The following ANKLE2 variants were observed in gnomAD, a reference collection of about 807,000 sequenced individuals.
The protein encoded by ANKLE2 is ankyrin repeat and LEM domain-containing protein 2.
ANKLE2 carries 55 observed loss-of-function variants against 84.2 expected under a neutral mutation model. The ratio of observed to expected loss-of-function variants is 0.65; its 90% CI spans 0.53 to 0.82. The LOEUF (loss-of-function observed/expected upper bound fraction) is 0.82. Ranked by LOEUF, ANKLE2 falls within the 40% of genes least tolerant of loss-of-function variation. The probability of loss-of-function intolerance (pLI) is 0.00; values close to 1 mark genes in which losing one functional copy is unlikely to be tolerated. For synonymous variants in ANKLE2, 551 were observed against 486.1 expected (o/e 1.13, Z -1.76); for missense variants, 1,238 against 1,201.9 (o/e 1.03, Z -0.44).
At chr12:132,761,443 C>G in intron 1 of ANKLE2, 175 bp downstream of exon 1, 4 of 513,178 alleles carry the variant, frequency 7.8e-6, no homozygotes, top group Non-Finnish European at 1.2e-5. Flanking sequence ...GCCAAGTCCC[C>G]GCAACTGCCC....
chr12:132,753,886 G>A (rs2044416425), intron 2 of ANKLE2, among the ~76,000 whole-genome samples: 1 of 152,190 alleles, frequency 6.6e-6, no homozygotes, highest in African/African-American at 2.4e-5. Context: ...AGCTGTGACT[G>A]CACCACTGCA....
chr12:132,759,697 G>A (rs534378025), intron 1 of ANKLE2: 4 of 131,192 alleles, frequency 3.0e-5, no homozygotes, highest in African/African-American at 9.2e-5. Context: ...CCTGGATGAT[G>A]CCGCTGGTGA....
rs554855993 is a variant in ANKLE2, at chr12:132,748,447, G to C, written c.848-116C>G. 7.6e-6 allele frequency: 9 copies of C among 1,182,304 alleles called. No individual in the cohort carries two copies. In the South Asian group the frequency reaches 1.3e-4, roughly 17 times the overall value. The allele number at this position is 1,182,304 out of a possible 1,614,324, so 73.2% of individuals were successfully genotyped here. On this transcript the variant is annotated intron_variant, in intron 3 of 12. Transcript: ENST00000357997. ...CCACAGAGGCTTCTGGGCCAACTGG[G>C]AGGCACAGGTGAGAAAAGACGAGAA...
chr12:132,728,160 C>G lies in ANKLE2; in HGVS notation c.2487G>C (p.Glu829Asp), dbSNP rs777772436. The change falls in exon 12 of 13, where the codon GAG becomes GAC. Residue 829 changes from glutamate to aspartate, a missense_variant. Physicochemically the swap from Glu to Asp is conservative, Grantham distance 45. Around this residue, in one of 3 missense-constraint regions of ANKLE2, gnomAD observed 802 missense variants for 774.5 expected, o/e 1.04. Coordinates refer to ENST00000357997, the MANE Select transcript of ANKLE2 (RefSeq NM_015114.3). ...EPARRLFLFG[E>D]EPSKLDQDVL... ...CATCCTGATCGAGTTTTGATGGCTC[C>G]TCTCTAGAAAGCACAATAAAAGAAG... 1.2e-6 allele frequency: 2 copies of G among 1,612,090 alleles called. No homozygotes were observed. The highest frequency in any genetic ancestry group is 1.7e-6 in the Non-Finnish European group (2 of 1,179,760).
At chr12:132,747,801 A>G (rs749572937) in intron 5 of ANKLE2, 31 bp downstream of exon 5, 3 of 1,401,374 alleles carry the variant, frequency 2.1e-6, no homozygotes, top group Non-Finnish European at 2.9e-6. Flanking sequence ...CAATTAAATA[A>G]AGAAAGCGTG....
rs770362496 is a variant in ANKLE2 at position 132,748,164 on chromosome 12, A to G, written c.1015T>C (p.Ser339Pro). The change falls in exon 4 of 13, where the codon TCA (serine) becomes CCA (proline). Residue 339 changes from serine to proline, a missense_variant. Coordinates refer to ENST00000357997, the MANE Select transcript of ANKLE2 (RefSeq NM_015114.3). ...TGCACGATAGTGGGGTTGTCTCCTG[A>G]GCCTATCAGATACCGGGGGTTGCTC... ...IWSNPRYLIGSGDNPTIVQEG... is the reference protein window; with the variant it reads ...IWSNPRYLIGPGDNPTIVQEG... 4 of 1,613,674 alleles carry G rather than the reference A, an allele frequency of 2.5e-6. No individual in the cohort carries two copies. The South Asian group carries it at 4.4e-5, about 18-fold the overall frequency.
chr12:132,744,459 C>T (rs1479412063), intron 5 of ANKLE2, among the ~76,000 whole-genome samples: 1 of 152,134 alleles, frequency 6.6e-6, no homozygotes, highest in Non-Finnish European at 1.5e-5. Flanking sequence ...CTGCGGCCTG[C>T]ACTGACACCC....
At chr12:132,752,402 T>C (rs1486930175) in intron 2 of ANKLE2, among the ~76,000 whole-genome samples, 1 of 152,058 alleles carries the variant, frequency 6.6e-6, no homozygotes, top group African/African-American at 2.4e-5. Context: ...CATTTCCCAG[T>C]GTTACTTTCT....
chr12:132,755,389 C>G (rs1268838462), intron 1 of ANKLE2: 1 of 322,272 alleles, frequency 3.1e-6, no homozygotes, highest in African/African-American at 2.2e-5. Context: ...ACTGAAAATA[C>G]AAAAAATTAG....
Position 132,740,344 on chromosome 12 carries a change from C to T in ANKLE2, c.1420+1075G>A, listed in dbSNP as rs570766134. 1.6e-3 allele frequency among the ~76,000 whole-genome samples: 241 copies of T among 152,230 alleles called. 1 individual carries two copies. Among genetic ancestry groups the T allele is most frequent in the African/African-American group, 5.7e-3 (235 of 41,542 alleles). ...CAGAGGCTCTTCACACCTTAGATCA[C>T]GCTTGGTAAACTTCTATAAAATGTC... On this transcript the variant is annotated intron_variant, in intron 7 of 12. Transcript: ENST00000357997.
At chr12:132,759,229 C>G (rs1038104128) in intron 1 of ANKLE2, 2 of 146,208 alleles carry the variant, frequency 1.4e-5, no homozygotes, top group Non-Finnish European at 3.0e-5. Context: ...CCGGGGCACC[C>G]ACGTGGCAGA....
intron 3 of ANKLE2, among the ~76,000 whole-genome samples, chr12:132,748,682 G>C (rs1012599612): frequency 1.3e-5 from 2 of 152,180 alleles, no homozygotes; most frequent in African/African-American, 4.8e-5. Flanking sequence ...CTCTGTGAAT[G>C]AGGCCAAGTT....
Position 132,726,921 on chromosome 12 carries a change from T to TGCCTGCCTGCAACTGCCTCAGCGCC in ANKLE2, c.*296_*320dup. 2.9e-6 allele frequency: 1 copy of TGCCTGCCTGCAACTGCCTCAGCGCC among 345,576 alleles called. No homozygotes were observed. The highest frequency in any genetic ancestry group is 5.3e-6 in the Non-Finnish European group (1 of 188,350). The allele number at this position is 345,576 out of a possible 1,614,324, so 21.4% of individuals were successfully genotyped here. A position where few individuals can be genotyped will look rare whatever the true frequency, so the allele number is the denominator to read the frequency against. On this transcript the variant is annotated 3_prime_UTR_variant, in exon 13 of 13. Coordinates refer to ENST00000357997, the MANE Select transcript of ANKLE2 (RefSeq NM_015114.3). The stretch of plus-strand genomic sequence containing the variant: ...GGTGAGTACAGGGTAAGTACAGGGC[T>TGCCTGCCTGCAACTGCCTCAGCGCC]GCCTGCCTGCAACTGCCTCAGCGCC...
chr12:132,727,442 A>T lies in ANKLE2; in HGVS notation c.2617T>A (p.Trp873Arg). The change falls in exon 13 of 13, where the codon TGG becomes AGG. Residue 873 changes from tryptophan (W) to arginine (R), a missense_variant and splice_region_variant. Physicochemically the swap from Trp to Arg is moderately radical, Grantham distance 101. This residue lies in a region of ANKLE2 where 802 missense variants were observed against 774.5 expected (regional missense o/e 1.04). Transcript: ENST00000357997. The stretch of plus-strand genomic sequence containing the variant: ...CTTCCTTTCACCGCGGGACTGGGCC[A>T]ACTGCGGAAAGCAAGAAAGAACTGT... The part of the protein sequence containing the change: ...LCYSPSDRQS[W>R]PSPAVKGRFK... The T allele has an allele frequency of 6.4e-7, 1 of 1,553,456 alleles. No homozygotes were observed. Among genetic ancestry groups the T allele is most frequent in the Non-Finnish European group, 8.7e-7 (1 of 1,148,394 alleles).
Position 132,727,086 on chromosome 12 carries a change from G to C in ANKLE2, c.*156C>G. 1.3e-6 allele frequency: 1 copy of C among 793,610 alleles called. No individual in the cohort carries two copies. Among genetic ancestry groups the C allele is most frequent in the South Asian group, 2.7e-5 (1 of 37,332 alleles). The allele number at this position is 793,610 out of a possible 1,614,324, so 49.2% of individuals were successfully genotyped here. A position where few individuals can be genotyped will look rare whatever the true frequency, so the allele number is the denominator to read the frequency against. Reference sequence around the variant, plus strand: ...CTTCCAAAATATCAGAAATCTAAGTGTTATATAGAACATTTAAATCTTCTA... The same window carrying C: ...CTTCCAAAATATCAGAAATCTAAGTCTTATATAGAACATTTAAATCTTCTA... On this transcript the variant is annotated 3_prime_UTR_variant, in exon 13 of 13. Coordinates refer to ENST00000357997, the MANE Select transcript of ANKLE2 (RefSeq NM_015114.3).
intron 11 of ANKLE2, among the ~76,000 whole-genome samples, 167 bp from the exon 12 acceptor site, chr12:132,728,330 A>C (rs1197234694): frequency 6.6e-6 from 1 of 152,158 alleles, no homozygotes; most frequent in Non-Finnish European, 1.5e-5. Context: ...CCCGGGTTCA[A>C]GCAATTCTCT....
At chr12:132,736,756 G>T in intron 8 of ANKLE2, 137 bp downstream of exon 8, 2 of 1,037,862 alleles carry the variant, frequency 1.9e-6, no homozygotes, top group Non-Finnish European at 2.8e-6. Flanking sequence ...CTGGTGGATG[G>T]TTTGAGATGA....
rs753238591 is a variant in ANKLE2, at chr12:132,736,991, G to T, written c.1495C>A (p.Gln499Lys). The change falls in exon 8 of 13, where the codon CAG becomes AAG. Residue 499 changes from glutamine to lysine, a missense_variant. Coordinates refer to ENST00000357997, the MANE Select transcript of ANKLE2 (RefSeq NM_015114.3). Reference sequence around the variant, plus strand: ...CTGACGTGAGAGGCCTCAGCCGTCTGGTCTGGGGACCACAGCTCCCCGATG... The same window carrying T: ...CTGACGTGAGAGGCCTCAGCCGTCTTGTCTGGGGACCACAGCTCCCCGATG... The part of the protein sequence containing the change: ...PVIGELWSPD[Q>K]TAEASHVSRY... 5.6e-6 allele frequency: 9 copies of T among 1,613,558 alleles called. No individual in the cohort carries two copies. In the East Asian group the frequency reaches 1.6e-4, roughly 28 times the overall value.
At chr12:132,759,477 T>A (rs890698536) in intron 1 of ANKLE2, 2 of 136,812 alleles carry the variant, frequency 1.5e-5, no homozygotes, top group Non-Finnish European at 2.9e-5. Context: ...CCACCTGCAA[T>A]GCACGAGGCC....
Sources: gnomAD v4.1 joint callset for allele counts (sites outside exome capture counted in the v4.1 genomes callset) on GRCh38, gnomAD v4.1.1 for gene constraint, gnomAD v4.1.1 regional missense constraint, MANE v1.5 for transcripts, NCBI Gene and HGNC (gene_info 2026-07-23, HGNC 2026-07-21) for gene names.